RDH10: variants seen among roughly 807,000 people sequenced by gnomAD.
The protein encoded by RDH10 is retinol dehydrogenase 10 (all-trans).
Under a neutral mutation model 30.2 loss-of-function variants are expected in RDH10, and 12 were observed. The observed-to-expected ratio is 0.40, with a 90% CI of 0.25 to 0.64. The LOEUF (loss-of-function observed/expected upper bound fraction) is 0.64. Ranked by LOEUF, RDH10 falls within the 30% of genes least tolerant of loss-of-function variation. RDH10 has a pLI of 0.43. For synonymous variants in RDH10, 189 were observed against 172.2 expected (o/e 1.10, Z -0.76); for missense variants, 268 against 445.2 (o/e 0.60, Z 3.58).
intron 3 of RDH10, 73 bp from the exon 4 acceptor site, chr8:73,320,859 C>G (rs1335558453): frequency 1.4e-6 from 2 of 1,452,030 alleles, no homozygotes; most frequent in Admixed American, 1.8e-5. Flanking sequence ...GTAATAGGAC[C>G]AGGGAAGCTT....
At position 73,319,185 on chromosome 8, in the gene RDH10, C is replaced by A; in HGVS notation, c.615C>A (p.Ala205=). ...GTTCCTTGGGATTGTTCAGTACTGC[C>A]GGAGTTGAGGTTTGTCAGATATATA... ...VASSLGLFST[A]GVEDYCASKF... Residue 205 remains alanine, a synonymous_variant, in exon 3 of 6, where the codon GCC becomes GCA. Coordinates refer to ENST00000240285, the MANE Select transcript of RDH10 (RefSeq NM_172037.5). 6.2e-7 allele frequency: 1 copy of A among 1,608,048 alleles called. No individual in the cohort carries two copies.
At chr8:73,295,733 C>T (rs945505144) in intron 1 of RDH10, 155 bp downstream of exon 1, 3 of 950,004 alleles carry the variant, frequency 3.2e-6, no homozygotes, top group Non-Finnish European at 4.4e-6. Flanking sequence ...AATTCGCTTC[C>T]TGATAAAGGA....
chr8:73,310,722 T>C (rs1351137664), intron 2 of RDH10, among the ~76,000 whole-genome samples: 1 of 152,158 alleles, frequency 6.6e-6, no homozygotes, highest in African/African-American at 2.4e-5. Flanking sequence ...CATAAAGAGT[T>C]ATTAAATAGG....
In RDH10 at chr8:73,297,227, G is replaced by A; in HGVS notation, c.323G>A (p.Cys108Tyr). 6.2e-7 allele frequency: 1 copy of A among 1,613,722 alleles called. No homozygotes were observed. Among genetic ancestry groups the A allele is most frequent in the African/African-American group, 1.3e-5 (1 of 75,046 alleles). The change falls in exon 2 of 6, where the codon TGT (cysteine) becomes TAT (tyrosine). Residue 108 changes from cysteine to tyrosine, a missense_variant. By Grantham distance (194) the Cys-to-Tyr change is radical. Transcript: ENST00000240285. ...GGTGAGGAAGAAATTCTGCCCCACT[G>A]TAACTTGCAGGTTTTTACCTACACC... ...GNGEEEILPH[C>Y]NLQVFTYTCD...
At chr8:73,299,049 G>A (rs1217766406) in intron 2 of RDH10, among the ~76,000 whole-genome samples, 1 of 152,032 alleles carries the variant, frequency 6.6e-6, no homozygotes, top group Non-Finnish European at 1.5e-5. Context: ...CCTGACCTCA[G>A]GTGATCCGCC....
At chr8:73,306,706 G>A (rs769422038) in intron 2 of RDH10, among the ~76,000 whole-genome samples, 5 of 152,200 alleles carry the variant, frequency 3.3e-5, no homozygotes, top group Non-Finnish European at 5.9e-5. Flanking sequence ...GTGTGAAAGT[G>A]GCAGTGGTGT....
intron 2 of RDH10, among the ~76,000 whole-genome samples, chr8:73,316,404 T>TA (rs1326163345): frequency 6.6e-6 from 1 of 152,222 alleles, no homozygotes; most frequent in East Asian, 1.9e-4. Flanking sequence ...ATGTATAAAT[T>TA]ATAGAGCCTA....
At chr8:73,317,420 A>T (rs1382885431) in intron 2 of RDH10, among the ~76,000 whole-genome samples, 1 of 152,192 alleles carries the variant, frequency 6.6e-6, no homozygotes, top group Non-Finnish European at 1.5e-5. Flanking sequence ...CAAATGCCAC[A>T]GGTGAGAATA....
Position 73,324,808 on chromosome 8 carries a change from T to C in RDH10, c.*1772T>C, listed in dbSNP as rs1040966710. On this transcript the variant is annotated 3_prime_UTR_variant, in exon 6 of 6. Coordinates refer to ENST00000240285, the MANE Select transcript of RDH10 (RefSeq NM_172037.5). ...AACAATGCCATGACCTGTGTTTTAG[T>C]TTGGCTGCACCACAGATCAAATCTG... 2.6e-5 allele frequency: 4 copies of C among 152,260 alleles called. No individual in the cohort carries two copies. Among genetic ancestry groups the C allele is most frequent in the Non-Finnish European group, 5.9e-5 (4 of 68,050 alleles). The allele number at this position is 152,260 out of a possible 1,614,324, so 9.4% of individuals were successfully genotyped here.
At chr8:73,314,952 A>G (rs1814633195) in intron 2 of RDH10, among the ~76,000 whole-genome samples, 1 of 152,196 alleles carries the variant, frequency 6.6e-6, no homozygotes, top group African/African-American at 2.4e-5. Flanking sequence ...TTTACAGAAC[A>G]AAACAAATAA....
intron 2 of RDH10, chr8:73,300,403 G>A (rs1814354741): frequency 6.6e-6 from 1 of 152,108 alleles, no homozygotes; most frequent in Non-Finnish European, 1.5e-5. Flanking sequence ...TTTCAAAGAT[G>A]TGTTGACGTT....
At chr8:73,318,496 TATG>T (rs1814713364) in intron 2 of RDH10, among the ~76,000 whole-genome samples, 2 of 152,194 alleles carry the variant, frequency 1.3e-5, no homozygotes, top group Admixed American at 6.5e-5. Flanking sequence ...TAGTTGGCAT[TATG>T]ATATGTTTTT....
chr8:73,301,756 A>G (rs1814381775), intron 2 of RDH10, among the ~76,000 whole-genome samples: 1 of 152,166 alleles, frequency 6.6e-6, no homozygotes, highest in African/African-American at 2.4e-5. Flanking sequence ...ACTCCATCTC[A>G]AGAAAGAAAA....
At chr8:73,297,502 G>C in intron 2 of RDH10, 73 bp downstream of exon 2, 1 of 1,124,508 alleles carries the variant, frequency 8.9e-7, no homozygotes, top group South Asian at 1.2e-5. Context: ...AGAGACTTCA[G>C]TGCCAGCCTG....
chr8:73,318,377 C>G (rs1040909739), intron 2 of RDH10, among the ~76,000 whole-genome samples: 3 of 152,234 alleles, frequency 2.0e-5, no homozygotes, highest in Admixed American at 2.0e-4. Context: ...TTGTGCCACA[C>G]TCTCTGCCTC....
In RDH10 at chr8:73,315,361, G is replaced by A. The variant is rs535460712; in HGVS notation, c.526-3735G>A. 2.6e-5 allele frequency: 6 copies of A among 228,700 alleles called. No homozygotes were observed. The South Asian group carries it at 3.0e-4, about 12-fold the overall frequency. The allele number at this position is 228,700 out of a possible 1,614,324, so 14.2% of individuals were successfully genotyped here. On this transcript the variant is annotated intron_variant, in intron 2 of 5. Transcript: ENST00000240285. ...TGGGGGTGGGGGGAGGGTCCCACAG[G>A]TGGAAGTGTGTCCCCACGTCACATT...
intron 2 of RDH10, among the ~76,000 whole-genome samples, chr8:73,309,890 A>G (rs1454374744): frequency 6.6e-6 from 1 of 152,120 alleles, no homozygotes; most frequent in African/African-American, 2.4e-5. Context: ...ACATCCTTCC[A>G]TGCATAGGGC....
At chr8:73,315,318 A>T (rs112491515) in intron 2 of RDH10, 2,048 of 168,876 alleles carry the variant, frequency 0.012, 60 homozygotes, top group African/African-American at 0.049. Context: ...CACTAGCTTA[A>T]CTCCTCTTCA....
chr8:73,303,857 T>A (rs1295910424), intron 2 of RDH10, among the ~76,000 whole-genome samples: 1 of 152,160 alleles, frequency 6.6e-6, no homozygotes, highest in Non-Finnish European at 1.5e-5. Context: ...AAAATATCAC[T>A]TTACATAGCT....
Sources: gnomAD v4.1 joint callset for allele counts (sites outside exome capture counted in the v4.1 genomes callset) on GRCh38, gnomAD v4.1.1 for gene constraint, MANE v1.5 for transcripts, NCBI Gene and HGNC (gene_info 2026-07-23, HGNC 2026-07-21) for gene names.